Variants in ZCWPW2 observed in about 807,000 individuals in gnomAD.
ZCWPW2 encodes zinc finger CW-type and PWWP domain containing 2, also known as zinc finger CW-type PWWP domain protein 2.
ZCWPW2 carries 45 observed loss-of-function variants against 46.6 expected under a neutral mutation model. That is an observed-to-expected ratio of 0.96 (90% CI 0.76 to 1.24). The LOEUF is 1.24. ZCWPW2 is among the 50% of genes most tolerant of loss of function. The pLI is 0.00. For missense variants in ZCWPW2, 429 were observed against 403.9 expected, an observed-to-expected ratio of 1.06 and a Z score of -0.53; for synonymous variants, 152 against 137.1, an observed-to-expected ratio of 1.11 and a Z score of -0.76.
chr3:28,422,610 C>G (rs1696839493), intron 3 of ZCWPW2, among the ~76,000 whole-genome samples: 1 of 152,140 alleles, frequency 6.6e-6, no homozygotes, highest in African/African-American at 2.4e-5. Flanking sequence ...CTTATCTATC[C>G]ATTCACCTAC....
At chr3:28,479,817 T>A (rs890380323) in intron 5 of ZCWPW2, among the ~76,000 whole-genome samples, 3 of 152,188 alleles carry the variant, frequency 2.0e-5, no homozygotes, top group Non-Finnish European at 4.4e-5. Flanking sequence ...GCTAATGGCA[T>A]CCAGCTCCAT....
At chr3:28,509,492 C>T (rs963462440) in intron 6 of ZCWPW2, among the ~76,000 whole-genome samples, 1 of 152,066 alleles carries the variant, frequency 6.6e-6, no homozygotes, top group African/African-American at 2.4e-5. Flanking sequence ...GAACACTTGT[C>T]ATTGTCTATT....
intron 4 of ZCWPW2, among the ~76,000 whole-genome samples, chr3:28,450,343 A>G (rs1249105081): frequency 1.3e-5 from 2 of 152,198 alleles, no homozygotes; most frequent in South Asian, 4.1e-4. Flanking sequence ...ACCCAATAGT[A>G]ATCAGTTTAA....
chr3:28,472,859 G>A (rs1559519011), intron 4 of ZCWPW2, among the ~76,000 whole-genome samples: 1 of 150,988 alleles, frequency 6.6e-6, no homozygotes, highest in African/African-American at 2.4e-5. Context: ...TATATAAGAA[G>A]CTCAAACAGT....
chr3:28,353,356 T>A (rs1704623945), intron 1 of ZCWPW2, among the ~76,000 whole-genome samples: 2 of 152,208 alleles, frequency 1.3e-5, no homozygotes, highest in South Asian at 4.1e-4. Context: ...GTGATCAATT[T>A]AAAATATTTT....
chr3:28,491,854 G>C (rs1191259162), intron 5 of ZCWPW2, among the ~76,000 whole-genome samples: 1 of 151,962 alleles, frequency 6.6e-6, no homozygotes, highest in Non-Finnish European at 1.5e-5. Context: ...AGATATACTA[G>C]ACACCAACTT....
intron 9 of ZCWPW2, among the ~76,000 whole-genome samples, chr3:28,522,551 T>A (rs1292913280): frequency 6.6e-6 from 1 of 152,180 alleles, no homozygotes; most frequent in African/African-American, 2.4e-5. Context: ...TCAATAAAAA[T>A]AGATTATTCG....
intron 4 of ZCWPW2, among the ~76,000 whole-genome samples, chr3:28,444,612 C>T (rs1697911635): frequency 6.6e-6 from 1 of 152,162 alleles, no homozygotes; most frequent in African/African-American, 2.4e-5. Flanking sequence ...TGTGCATGCA[C>T]CTTTCTTTGC....
intron 2 of ZCWPW2, among the ~76,000 whole-genome samples, chr3:28,400,986 T>C (rs1695903599): frequency 6.6e-6 from 1 of 152,106 alleles, no homozygotes; most frequent in South Asian, 2.1e-4. Context: ...AAGACCATCC[T>C]GGCTAACATG....
intron 4 of ZCWPW2, among the ~76,000 whole-genome samples, chr3:28,477,886 T>C (rs903608726): frequency 6.6e-5 from 10 of 152,130 alleles, no homozygotes; most frequent in Non-Finnish European, 1.5e-4. Flanking sequence ...AAAAATCCTT[T>C]TTGCTGAGTT....
At chr3:28,349,243 T>G (rs538954648) in intron 1 of ZCWPW2, 40 bp downstream of exon 1, 35 of 964,358 alleles carry the variant, frequency 3.6e-5, no homozygotes, top group South Asian at 1.4e-4. Flanking sequence ...TGGGCCGAGG[T>G]CCCCCTTCAG....
intron 2 of ZCWPW2, among the ~76,000 whole-genome samples, chr3:28,409,346 C>T (rs992452232): frequency 6.6e-6 from 1 of 152,010 alleles, no homozygotes; most frequent in Admixed American, 6.6e-5. Flanking sequence ...TCTTGAACTC[C>T]TGACCTCAAA....
intron 4 of ZCWPW2, among the ~76,000 whole-genome samples, chr3:28,449,950 G>C (rs907428819): frequency 6.6e-6 from 1 of 152,260 alleles, no homozygotes; most frequent in Middle Eastern, 3.4e-3. Context: ...GTAATGTAGT[G>C]TTTGCTCTTC....
intron 1 of ZCWPW2, among the ~76,000 whole-genome samples, chr3:28,373,638 G>A (rs985491704): frequency 2.2e-4 from 34 of 152,040 alleles, no homozygotes; most frequent in African/African-American, 8.0e-4. Flanking sequence ...ACTATACATG[G>A]CTAATTTTTG....
At chr3:28,511,576 A>G (rs1700426463) in intron 6 of ZCWPW2, among the ~76,000 whole-genome samples, 1 of 152,162 alleles carries the variant, frequency 6.6e-6, no homozygotes, top group Non-Finnish European at 1.5e-5. Flanking sequence ...ATCCTTAAAT[A>G]TGAACATGCT....
intron 2 of ZCWPW2, among the ~76,000 whole-genome samples, chr3:28,393,405 G>T (rs2125720190): frequency 6.6e-6 from 1 of 152,144 alleles, no homozygotes; most frequent in Non-Finnish European, 1.5e-5. Flanking sequence ...CCAATAAATT[G>T]AAAAGGAGGA....
intron 3 of ZCWPW2, among the ~76,000 whole-genome samples, chr3:28,434,351 A>G (rs892848867): frequency 6.6e-6 from 1 of 152,172 alleles, no homozygotes; most frequent in Non-Finnish European, 1.5e-5. Context: ...GAAATAGAAA[A>G]ACCAAATACA....
intron 4 of ZCWPW2, 71 bp from the exon 5 acceptor site, chr3:28,478,743 T>A: frequency 1.4e-6 from 1 of 716,946 alleles, no homozygotes; most frequent in Non-Finnish European, 2.1e-6. Context: ...TGTTCCAGCT[T>A]AATAAGTGGA....
chr3:28,477,808 C>A (rs926502258), intron 4 of ZCWPW2, among the ~76,000 whole-genome samples: 1 of 152,004 alleles, frequency 6.6e-6, no homozygotes, highest in Non-Finnish European at 1.5e-5. Flanking sequence ...TAGCCATATT[C>A]CTTTTGCTGG....
Sources: gnomAD v4.1 joint callset for allele counts (sites outside exome capture counted in the v4.1 genomes callset) on GRCh38, gnomAD v4.1.1 for gene constraint, MANE v1.5 for transcripts, NCBI Gene and HGNC (gene_info 2026-07-23, HGNC 2026-07-21) for gene names.